Variants in FGF7 observed in about 807,000 individuals in gnomAD.
FGF7 encodes fibroblast growth factor 7.
In FGF7, 6 loss-of-function variants were observed where a neutral mutation model predicts 20.5. The ratio of observed to expected loss-of-function variants is 0.29; its 90% CI spans 0.16 to 0.58. The LOEUF is 0.58. Ranked by LOEUF, FGF7 falls within the 20% of genes least tolerant of loss-of-function variation. FGF7 has a pLI of 0.90. For missense variants in FGF7, 144 were observed against 228.8 expected (o/e 0.63, Z 2.39); for synonymous variants, 64 against 74.7 (o/e 0.86, Z 0.74).
chr15:49,461,565 G>A (rs576750243), intron 2 of FGF7, among the ~76,000 whole-genome samples: 90 of 152,188 alleles, frequency 5.9e-4, no homozygotes, highest in East Asian at 9.7e-4. Flanking sequence ...AAAGAGCCAC[G>A]TACTTCTGTT....
chr15:49,424,236 A>C lies in FGF7; in HGVS notation c.-62A>C. The C allele has an allele frequency of 1.4e-6, 2 of 1,450,340 alleles. No homozygotes were observed. The highest frequency in any genetic ancestry group is 1.9e-6 in the Non-Finnish European group (2 of 1,046,488). 89.8% of individuals were successfully genotyped at this position (1,450,340 alleles called of 1,614,324 possible). On this transcript the variant is annotated 5_prime_UTR_variant, in exon 2 of 4. Transcript: ENST00000267843. ...GGAAGAGGTCAATGACCTAGGAGTA[A>C]CAATCAACTCAAGATTCATTTTCAT...
intron 2 of FGF7, among the ~76,000 whole-genome samples, chr15:49,470,362 A>G (rs2054633969): frequency 6.6e-6 from 1 of 152,152 alleles, no homozygotes; most frequent in Admixed American, 6.5e-5. Context: ...TTTCTTTTTT[A>G]TTACCAATAA....
chr15:49,465,605 T>A (rs931099745), intron 2 of FGF7, among the ~76,000 whole-genome samples: 2 of 152,178 alleles, frequency 1.3e-5, no homozygotes, highest in Non-Finnish European at 2.9e-5. Flanking sequence ...GAGAGACCTA[T>A]AATTGATTGA....
At chr15:49,427,003 C>T (rs2050188384) in intron 2 of FGF7, among the ~76,000 whole-genome samples, 1 of 151,968 alleles carries the variant, frequency 6.6e-6, no homozygotes, top group East Asian at 1.9e-4. Flanking sequence ...GAGGATAAGC[C>T]ACTCTTTTTT....
chr15:49,457,153 A>T (rs1430774648), intron 2 of FGF7, among the ~76,000 whole-genome samples: 4 of 152,050 alleles, frequency 2.6e-5, no homozygotes, highest in Non-Finnish European at 4.4e-5. Context: ...AACTACTAAA[A>T]CTTTTAACAG....
rs2056402676 is a variant in FGF7, at chr15:49,486,376, A to G, written c.*1872A>G. The G allele has an allele frequency of 6.6e-6, 1 of 152,006 alleles. No homozygotes were observed. The highest frequency in any genetic ancestry group is 2.4e-5 in the African/African-American group (1 of 41,418). The allele number at this position is 152,006 out of a possible 1,614,324, so 9.4% of individuals were successfully genotyped here. A position where few individuals can be genotyped will look rare whatever the true frequency, so the allele number is the denominator to read the frequency against. On this transcript the variant is annotated 3_prime_UTR_variant, in exon 4 of 4. Coordinates refer to ENST00000267843, the MANE Select transcript of FGF7 (RefSeq NM_002009.4). ...TATCACCTGATTCAAGGACTTTGCTAGCTAGGTTTTGAGGTCAGGCTTCAG... is the reference window on the plus strand; with the variant it reads ...TATCACCTGATTCAAGGACTTTGCTGGCTAGGTTTTGAGGTCAGGCTTCAG...
At chr15:49,430,906 C>G (rs2050555304) in intron 2 of FGF7, among the ~76,000 whole-genome samples, 1 of 147,548 alleles carries the variant, frequency 6.8e-6, no homozygotes. Flanking sequence ...CTATCCAGAT[C>G]AGAGAAAAGA....
intron 2 of FGF7, among the ~76,000 whole-genome samples, chr15:49,438,891 AAGAG>A (rs1183863909): frequency 9.2e-5 from 14 of 151,506 alleles, no homozygotes; most frequent in Admixed American, 9.2e-4. Context: ...AGGGAGAAAA[AAGAG>A]AGAGAAAAAG....
chr15:49,476,245 T>G (rs1303485858), intron 2 of FGF7, among the ~76,000 whole-genome samples: 1 of 146,974 alleles, frequency 6.8e-6, no homozygotes, highest in Non-Finnish European at 1.5e-5. Context: ...TTTTTTTTTT[T>G]GCATTTGGCA....
At chr15:49,451,589 AC>A (rs1232804011) in intron 2 of FGF7, among the ~76,000 whole-genome samples, 1 of 152,030 alleles carries the variant, frequency 6.6e-6, no homozygotes, top group East Asian at 1.9e-4. Context: ...TCTTCAATTC[AC>A]CTTTAAATGT....
intron 2 of FGF7, among the ~76,000 whole-genome samples, chr15:49,450,152 T>C (rs1432222369): frequency 6.6e-6 from 1 of 152,196 alleles, no homozygotes; most frequent in East Asian, 1.9e-4. Flanking sequence ...ATAAAGAAAT[T>C]TGCAATAATG....
intron 2 of FGF7, among the ~76,000 whole-genome samples, chr15:49,433,206 C>G (rs1286104174): frequency 6.6e-6 from 1 of 151,658 alleles, no homozygotes; most frequent in Non-Finnish European, 1.5e-5. Flanking sequence ...GTCTTATTCT[C>G]TTTCTGTGCC....
chr15:49,462,814 G>A (rs1011570264), intron 2 of FGF7, among the ~76,000 whole-genome samples: 7 of 152,106 alleles, frequency 4.6e-5, no homozygotes, highest in African/African-American at 1.7e-4. Flanking sequence ...TGTATAGAAA[G>A]GATGACTGTA....
At position 49,485,207 on chromosome 15, in the gene FGF7, T is replaced by G. The variant is rs112843832; in HGVS notation, c.*703T>G. On this transcript the variant is annotated 3_prime_UTR_variant, in exon 4 of 4. Coordinates refer to ENST00000267843, the MANE Select transcript of FGF7 (RefSeq NM_002009.4). ...GTTTCCAAAAATCTTGTATATAAGA[T>G]AGCAACAGTGATTGATGATAATACT... 1 of 152,390 alleles carries G rather than the reference T, an allele frequency of 6.6e-6. No individual in the cohort carries two copies. Among genetic ancestry groups the G allele is most frequent in the Non-Finnish European group, 1.5e-5 (1 of 67,936 alleles). 9.4% of individuals were successfully genotyped at this position (152,390 alleles called of 1,614,324 possible).
intron 2 of FGF7, among the ~76,000 whole-genome samples, chr15:49,433,270 C>T (rs183792143): frequency 4.0e-5 from 6 of 151,514 alleles, no homozygotes; most frequent in Non-Finnish European, 7.4e-5. Flanking sequence ...ATGATTCTTT[C>T]TGTTTGCATT....
At chr15:49,438,505 G>A (rs2051316547) in intron 2 of FGF7, among the ~76,000 whole-genome samples, 1 of 151,622 alleles carries the variant, frequency 6.6e-6, no homozygotes, top group Non-Finnish European at 1.5e-5. Context: ...ATTCACCAAA[G>A]AGTTATCAGT....
At chr15:49,425,334 A>C (rs895007110) in intron 2 of FGF7, 3 of 152,020 alleles carry the variant, frequency 2.0e-5, no homozygotes, top group African/African-American at 7.2e-5. Context: ...TTTTCCCAAG[A>C]ATCAGTTATT....
At chr15:49,430,334 TTA>T (rs1256202906) in intron 2 of FGF7, among the ~76,000 whole-genome samples, 2 of 151,850 alleles carry the variant, frequency 1.3e-5, no homozygotes, top group Non-Finnish European at 2.9e-5. Flanking sequence ...CAATGTCTGC[TTA>T]TTCTGCACTT....
At chr15:49,476,992 G>A (rs2055389803) in intron 2 of FGF7, among the ~76,000 whole-genome samples, 1 of 151,820 alleles carries the variant, frequency 6.6e-6, no homozygotes, top group Non-Finnish European at 1.5e-5. Context: ...CCTGGGAGGC[G>A]GAGCTTGCAG....
Sources: gnomAD v4.1 joint callset for allele counts (sites outside exome capture counted in the v4.1 genomes callset) on GRCh38, gnomAD v4.1.1 for gene constraint, MANE v1.5 for transcripts, NCBI Gene and HGNC (gene_info 2026-07-23, HGNC 2026-07-21) for gene names.